The following TANC2 variants were observed in gnomAD, a reference collection of about 807,000 sequenced individuals.
TANC2 encodes protein TANC2.
A neutral mutation model predicts 210.5 loss-of-function variants in TANC2; 26 were observed. That is an observed-to-expected ratio of 0.12 (90% confidence interval 0.09 to 0.17). The LOEUF is 0.17. TANC2 is among the 10% of genes least tolerant of loss of function. The pLI, the probability that TANC2 is intolerant of heterozygous loss-of-function variation, is 1.00. For synonymous variants in TANC2, 931 were observed against 967.1 expected, an observed-to-expected ratio of 0.96 and a Z score of 0.69; for missense variants, 2,129 against 2,608.9, an observed-to-expected ratio of 0.82 and a Z score of 4.01.
At chr17:63,079,265 T>C (rs1362764527) in intron 3 of TANC2, among the ~76,000 whole-genome samples, 1 of 152,198 alleles carries the variant, frequency 6.6e-6, no homozygotes, top group Non-Finnish European at 1.5e-5. Flanking sequence ...TGTATCTCTT[T>C]GTGTTTGTTC....
At position 63,206,491 on chromosome 17, in the gene TANC2, T is replaced by C. The variant is rs1474798080; in HGVS notation, c.769+5534T>C. On this transcript the variant is annotated intron_variant, in intron 7 of 27. Coordinates refer to ENST00000689528, the Ensembl canonical transcript of TANC2. ...ATGACTGGACAAACAAAATATGATA[T>C]ATACATGCAATGAAATATTATTCAC... 2.6e-5 allele frequency among the ~76,000 whole-genome samples: 4 copies of C among 152,200 alleles called. No homozygotes were observed. The South Asian group carries it at 8.3e-4, about 31-fold the overall frequency.
chr17:63,372,482 T>C (rs1319887018), intron 14 of TANC2, among the ~76,000 whole-genome samples: 1 of 152,240 alleles, frequency 6.6e-6, no homozygotes, highest in Non-Finnish European at 1.5e-5. Context: ...ATGTTTAAAG[T>C]CATTTGTGGT....
intron 2 of TANC2, among the ~76,000 whole-genome samples, chr17:63,040,620 A>T (rs1268228025): frequency 6.6e-6 from 1 of 152,114 alleles, no homozygotes; most frequent in African/African-American, 2.4e-5. Context: ...AAAGAGGGAA[A>T]ATACTAGATT....
intron 5 of TANC2, among the ~76,000 whole-genome samples, chr17:63,174,824 G>GCTAT (rs2040522865): frequency 6.6e-6 from 1 of 152,226 alleles, no homozygotes; most frequent in South Asian, 2.1e-4. Context: ...GAATGGTATT[G>GCTAT]CTATATTCTA....
At position 63,361,042 on chromosome 17, in the gene TANC2, C is replaced by T. The variant is rs1193182798; in HGVS notation, c.2582+5652C>T. Among the ~76,000 whole-genome samples, 7 of 152,172 alleles carry T rather than the reference C, an allele frequency of 4.6e-5. No homozygotes were observed. The East Asian group carries it at 1.3e-3, about 29-fold the overall frequency. ...CACCACATTTTGTTTATCCATTTGT[C>T]TGTTGGTGGACACTTAAGTTACTTC... On this transcript the variant is annotated intron_variant, in intron 14 of 27. Coordinates refer to ENST00000689528, the Ensembl canonical transcript of TANC2.
At chr17:62,968,602 A>G (rs1366113809) in intron 1 of TANC2, 1 of 152,184 alleles carries the variant, frequency 6.6e-6, no homozygotes, top group African/African-American at 2.4e-5. Flanking sequence ...AGCCATATGT[A>G]CTGCCACCCC....
rs547437244 is a variant in TANC2, at chr17:63,188,862, ACTAT to A, written c.434-5127_434-5124del. Among the ~76,000 whole-genome samples, 4 of 152,092 alleles carry A rather than the reference ACTAT, an allele frequency of 2.6e-5. No homozygotes were observed. The East Asian group carries it at 7.7e-4, about 29-fold the overall frequency. ...TTTAGTATATTTACAGACTTGTGTA[ACTAT>A]CACCACTAATTTTAGAGCATTTTTA... is the stretch of plus-strand genomic sequence containing the variant. On this transcript the variant is annotated intron_variant, in intron 5 of 27. Coordinates refer to ENST00000689528, the Ensembl canonical transcript of TANC2.
At chr17:63,024,364 G>T (rs115021445) in intron 2 of TANC2, among the ~76,000 whole-genome samples, 4,429 of 152,244 alleles carry the variant, frequency 0.029, 225 homozygotes, top group African/African-American at 0.1. Flanking sequence ...ACCATATAGG[G>T]TAACATCCTG....
Position 63,098,513 on chromosome 17 carries a change from G to GTATATATATATATATA in TANC2, c.140-661_140-660insATATATATATATATAT, listed in dbSNP as rs779741664. Reference sequence around the variant, plus strand: ...TCTCTCTCTCTCTCTCTCTCTCTGTGTGTATATATATATATATATATGTAA... The same window carrying GTATATATATATATATA: ...TCTCTCTCTCTCTCTCTCTCTCTGTGTATATATATATATATATGTATATATATATATATATATGTAA... On this transcript the variant is annotated intron_variant, in intron 3 of 27. Coordinates refer to ENST00000689528, the Ensembl canonical transcript of TANC2. Among the ~76,000 whole-genome samples, 44 of 125,400 alleles carry GTATATATATATATATA rather than the reference G, an allele frequency of 3.5e-4. 1 individual carries two copies. Among genetic ancestry groups the GTATATATATATATATA allele is most frequent in the South Asian group, 2.4e-3 (9 of 3,764 alleles). The allele number at this position is 125,400 out of a possible 152,430, so 82.3% of individuals were successfully genotyped here.
chr17:63,397,304 G>A (rs2147219253), intron 18 of TANC2, among the ~76,000 whole-genome samples: 1 of 152,062 alleles, frequency 6.6e-6, no homozygotes, highest in South Asian at 2.1e-4. Context: ...AAAAGAATAT[G>A]TTGCACACAA....
intron 21 of TANC2, among the ~76,000 whole-genome samples, chr17:63,410,956 G>T (rs2048683847): frequency 6.6e-6 from 1 of 150,564 alleles, no homozygotes; most frequent in African/African-American, 2.4e-5. Flanking sequence ...AGAAATAATG[G>T]AATAAGTTGA....
chr17:63,171,044 C>T (rs556370140), intron 5 of TANC2, among the ~76,000 whole-genome samples: 2 of 151,028 alleles, frequency 1.3e-5, no homozygotes, highest in South Asian at 4.2e-4. Flanking sequence ...CTACTTCATC[C>T]AGCCACAAAT....
At chr17:63,254,615 C>T (rs1015616832) in intron 8 of TANC2, among the ~76,000 whole-genome samples, 1 of 152,050 alleles carries the variant, frequency 6.6e-6, no homozygotes, top group African/African-American at 2.4e-5. Flanking sequence ...ATGAGTCTGT[C>T]GTATATGTCT....
intron 2 of TANC2, among the ~76,000 whole-genome samples, chr17:63,054,187 G>A (rs1368290165): frequency 6.6e-6 from 1 of 152,138 alleles, no homozygotes; most frequent in African/African-American, 2.4e-5. Flanking sequence ...ATGAGATAAT[G>A]TTATAAAGAT....
chr17:63,155,877 A>G (rs2039818723), intron 5 of TANC2, among the ~76,000 whole-genome samples: 1 of 152,194 alleles, frequency 6.6e-6, no homozygotes, highest in Non-Finnish European at 1.5e-5. Context: ...TGTACATTCT[A>G]TAGCATAAGC....
At chr17:63,179,562 C>T (rs965353877) in intron 5 of TANC2, among the ~76,000 whole-genome samples, 2 of 152,094 alleles carry the variant, frequency 1.3e-5, no homozygotes, top group African/African-American at 4.8e-5. Context: ...CAACATTATT[C>T]CAGAAATAAA....
At chr17:63,379,692 T>C in intron 14 of TANC2, 26 bp from the exon 15 acceptor site, 1 of 1,524,868 alleles carries the variant, frequency 6.6e-7, no homozygotes, top group Non-Finnish European at 8.9e-7. Context: ...ATTAATTAAT[T>C]AAAATGAATT....
At chr17:63,148,035 C>A (rs970547720) in intron 4 of TANC2, among the ~76,000 whole-genome samples, 1 of 151,944 alleles carries the variant, frequency 6.6e-6, no homozygotes. Context: ...TAATATAATC[C>A]TCACAAATTG....
rs192056536 is a variant in TANC2, at chr17:63,385,086, T to A, written c.2692-3549T>A. 1.6e-3 allele frequency among the ~76,000 whole-genome samples: 240 copies of A among 152,280 alleles called. 1 individual carries two copies. Among genetic ancestry groups the A allele is most frequent in the Non-Finnish European group, 4.1e-4 (28 of 68,006 alleles). ...TGATAAATTCTACCTCCTAGGGCTG[T>A]TGTGAAGATTAGATTACATTAGAGA... On this transcript the variant is annotated intron_variant, in intron 15 of 27. Transcript: ENST00000689528.
Sources: allele counts gnomAD v4.1 joint callset (sites outside exome capture counted in the v4.1 genomes callset), GRCh38; gene constraint gnomAD v4.1.1; transcripts MANE v1.5; gene names NCBI Gene and HGNC (gene_info 2026-07-23, HGNC 2026-07-21).